The following SUGCT variants were observed in gnomAD, a reference collection of about 807,000 sequenced individuals.
SUGCT encodes succinyl-CoA:glutarate-CoA transferase.
In SUGCT, 41 loss-of-function variants were observed where a neutral mutation model predicts 55.0. The ratio of observed to expected loss-of-function variants is 0.74; its 90% CI spans 0.58 to 0.97. The LOEUF (loss-of-function observed/expected upper bound fraction) is 0.97. SUGCT is among the 50% of genes least tolerant of loss of function. The pLI is 0.00. For synonymous variants in SUGCT, 187 were observed against 200.4 expected (o/e 0.93, Z 0.56); for missense variants, 568 against 547.8 (o/e 1.04, Z -0.37).
At chr7:40,624,799 AC>A (rs1799441924) in intron 12 of SUGCT, among the ~76,000 whole-genome samples, 2 of 147,364 alleles carry the variant, frequency 1.4e-5, no homozygotes, top group Non-Finnish European at 3.0e-5. Flanking sequence ...ACACACACAC[AC>A]ACACACACAC....
At chr7:40,634,854 AATT>A (rs1271886858) in intron 12 of SUGCT, among the ~76,000 whole-genome samples, 1 of 152,210 alleles carries the variant, frequency 6.6e-6, no homozygotes, top group African/African-American at 2.4e-5. Flanking sequence ...AATTTTTTGA[AATT>A]AATATGAATG....
At chr7:40,374,314 G>A (rs1377007623) in intron 9 of SUGCT, among the ~76,000 whole-genome samples, 1 of 152,140 alleles carries the variant, frequency 6.6e-6, no homozygotes, top group East Asian at 1.9e-4. Flanking sequence ...GACCCTGTGA[G>A]GTGGTAGGTG....
At chr7:40,389,382 G>A (rs547968363) in intron 9 of SUGCT, among the ~76,000 whole-genome samples, 1 of 152,162 alleles carries the variant, frequency 6.6e-6, no homozygotes, top group African/African-American at 2.4e-5. Flanking sequence ...AGCCCAGGAG[G>A]CAGAGGTTGC....
At chr7:40,823,373 C>A (rs537947784) in intron 13 of SUGCT, among the ~76,000 whole-genome samples, 32 of 152,074 alleles carry the variant, frequency 2.1e-4, no homozygotes, top group Non-Finnish European at 4.0e-4. Flanking sequence ...ATACATACAC[C>A]AGAAGCACTG....
At chr7:40,466,059 A>G (rs1210986157) in intron 11 of SUGCT, among the ~76,000 whole-genome samples, 4 of 151,872 alleles carry the variant, frequency 2.6e-5, no homozygotes, top group Non-Finnish European at 4.4e-5. Context: ...TTTAAAATAT[A>G]ATTTTTTTTA....
chr7:41,036,059 C>G, the SUGCT span, among the ~76,000 whole-genome samples: 2 of 152,300 alleles, frequency 1.3e-5, no homozygotes, highest in South Asian at 4.1e-4. Context: ...GCTGCAAGAT[C>G]CTTCAGGGAG....
the SUGCT span, among the ~76,000 whole-genome samples, chr7:40,943,872 T>C: frequency 6.6e-6 from 1 of 151,572 alleles, no homozygotes; most frequent in Non-Finnish European, 1.5e-5. Context: ...TCCACAATGG[T>C]TGAACTAGTT....
intron 12 of SUGCT, among the ~76,000 whole-genome samples, chr7:40,724,918 T>C (rs1253337644): frequency 6.6e-6 from 1 of 152,332 alleles, no homozygotes; most frequent in East Asian, 1.9e-4. Flanking sequence ...TCTATTCTGC[T>C]GCTGTAGAAG....
At chr7:40,211,212 G>T (rs1049659504) in intron 6 of SUGCT, among the ~76,000 whole-genome samples, 3 of 151,348 alleles carry the variant, frequency 2.0e-5, no homozygotes, top group African/African-American at 7.3e-5. Context: ...TTATTGGTTG[G>T]TTGATTGATC....
intron 12 of SUGCT, among the ~76,000 whole-genome samples, chr7:40,542,776 A>C (rs1314590141): frequency 1.3e-5 from 2 of 152,218 alleles, no homozygotes; most frequent in Admixed American, 6.5e-5. Flanking sequence ...TTTCGACTGC[A>C]AAGACTGAGG....
At chr7:40,140,810 C>T (rs1787943268) in intron 1 of SUGCT, among the ~76,000 whole-genome samples, 1 of 152,136 alleles carries the variant, frequency 6.6e-6, no homozygotes, top group African/African-American at 2.4e-5. Flanking sequence ...GTTCTTTTTA[C>T]TTGGGATATT....
chr7:40,803,858 A>AGG (rs1463705184), intron 13 of SUGCT, among the ~76,000 whole-genome samples: 1 of 152,194 alleles, frequency 6.6e-6, no homozygotes, highest in African/African-American at 2.4e-5. Context: ...GAAGACTGTA[A>AGG]AATATATTGT....
chr7:40,761,998 C>A (rs1164364202), intron 13 of SUGCT, among the ~76,000 whole-genome samples: 2 of 152,168 alleles, frequency 1.3e-5, no homozygotes, highest in Non-Finnish European at 2.9e-5. Context: ...CCCGGGGAAC[C>A]TGTGTGGTAA....
chr7:40,679,340 C>T (rs1249451178), intron 12 of SUGCT, among the ~76,000 whole-genome samples: 3 of 151,956 alleles, frequency 2.0e-5, no homozygotes, highest in African/African-American at 7.3e-5. Context: ...TGCTAGCCCA[C>T]CATTCCTGGA....
At chr7:40,885,148 G>A in the SUGCT span, among the ~76,000 whole-genome samples, 5 of 152,268 alleles carry the variant, frequency 3.3e-5, no homozygotes, top group Non-Finnish European at 5.9e-5. Context: ...CGAGGTTATG[G>A]TATTGGTGTT....
intron 9 of SUGCT, among the ~76,000 whole-genome samples, chr7:40,337,845 G>C (rs1351858494): frequency 6.6e-6 from 1 of 151,986 alleles, no homozygotes; most frequent in Non-Finnish European, 1.5e-5. Flanking sequence ...TCCTAGCCTC[G>C]GTGGTCTTTA....
At chr7:40,832,865 G>A (rs762806848) in intron 13 of SUGCT, among the ~76,000 whole-genome samples, 2 of 151,864 alleles carry the variant, frequency 1.3e-5, no homozygotes, top group South Asian at 2.1e-4. Flanking sequence ...TAGTAGAGAC[G>A]GGGTGTCACC....
At chr7:40,853,268 T>C (rs1793947529) in intron 13 of SUGCT, among the ~76,000 whole-genome samples, 1 of 152,198 alleles carries the variant, frequency 6.6e-6, no homozygotes. Context: ...TGTAATAATA[T>C]CACAGTATTT....
chr7:41,037,496 G>C, the SUGCT span, among the ~76,000 whole-genome samples: 1 of 148,624 alleles, frequency 6.7e-6, no homozygotes, highest in Non-Finnish European at 1.5e-5. Context: ...AAGTCCATGT[G>C]CTCAGCCTTT....
Sources: allele counts gnomAD v4.1 joint callset (sites outside exome capture counted in the v4.1 genomes callset), GRCh38; gene constraint gnomAD v4.1.1; transcripts MANE v1.5; gene names NCBI Gene and HGNC (gene_info 2026-07-23, HGNC 2026-07-21).